GABPA: variants seen among roughly 807,000 people sequenced by gnomAD.
GABPA encodes the protein GA-binding protein alpha chain.
Under a neutral mutation model 59.4 loss-of-function variants are expected in GABPA, and 4 were observed. The observed-to-expected ratio is 0.07, with a 90% CI of 0.03 to 0.15. GABPA has a LOEUF of 0.15. Ranked by LOEUF, GABPA falls within the 10% of genes least tolerant of loss-of-function variation. GABPA has a pLI of 1.00. For synonymous variants in GABPA, 164 were observed against 183.1 expected (o/e 0.90, Z 0.84); for missense variants, 251 against 543.8 (o/e 0.46, Z 5.36).
At chr21:25,759,319 G>A (rs544363931) in intron 6 of GABPA, among the ~76,000 whole-genome samples, 11 of 152,242 alleles carry the variant, frequency 7.2e-5, no homozygotes, top group African/African-American at 2.2e-4. Context: ...AAATGTTAAT[G>A]ATAGCATTTT....
chr21:25,762,258 G>T, intron 6 of GABPA, 54 bp from the exon 7 acceptor site: 2 of 884,758 alleles, frequency 2.3e-6, no homozygotes, highest in Admixed American at 4.4e-5. Flanking sequence ...TATTGGATTG[G>T]GGTTTTTATA....
At chr21:25,753,344 C>T (rs1355869458) in intron 5 of GABPA, among the ~76,000 whole-genome samples, 1 of 152,082 alleles carries the variant, frequency 6.6e-6, no homozygotes, top group Non-Finnish European at 1.5e-5. Context: ...GAGACTCATT[C>T]CCACTGAATT....
chr21:25,743,536 C>T (rs904831482), intron 2 of GABPA, among the ~76,000 whole-genome samples: 13 of 149,852 alleles, frequency 8.7e-5, no homozygotes, highest in African/African-American at 3.2e-4. Context: ...GTTCACCTAA[C>T]GTAGATTTTT....
chr21:25,760,355 A>G (rs906610872), intron 6 of GABPA, among the ~76,000 whole-genome samples: 5 of 152,180 alleles, frequency 3.3e-5, no homozygotes, highest in African/African-American at 7.2e-5. Context: ...TCTGCAGCCT[A>G]TCTGCGAAAG....
Position 25,735,034 on chromosome 21 carries a change from G to C in GABPA, c.-571G>C. The C allele has an allele frequency of 2.0e-6, 3 of 1,471,898 alleles. No individual in the cohort carries two copies. Among genetic ancestry groups the C allele is most frequent in the Non-Finnish European group, 2.8e-6 (3 of 1,082,614 alleles). The allele number at this position is 1,471,898 out of a possible 1,614,324, so 91.2% of individuals were successfully genotyped here. ...GACAGTCTGCGACCGGACGGGTCTA[G>C]GTGAGACAGAAGCCAAACAGGAGGA... On this transcript the variant is annotated 5_prime_UTR_variant, in exon 1 of 10. Transcript: ENST00000400075.
chr21:25,743,176 G>A (rs1010806696), intron 2 of GABPA, among the ~76,000 whole-genome samples: 1 of 152,162 alleles, frequency 6.6e-6, no homozygotes, highest in African/African-American at 2.4e-5. Flanking sequence ...CTGCTCATGG[G>A]ATGGCAGCTG....
At chr21:25,738,319 C>G (rs1209347031) in intron 1 of GABPA, among the ~76,000 whole-genome samples, 1 of 152,068 alleles carries the variant, frequency 6.6e-6, no homozygotes, top group African/African-American at 2.4e-5. Context: ...TCTTTGTATC[C>G]TGAGTTATTT....
intron 1 of GABPA, among the ~76,000 whole-genome samples, chr21:25,736,960 TTATAA>T (rs1340273476): frequency 3.3e-5 from 5 of 152,332 alleles, no homozygotes; most frequent in Non-Finnish European, 5.9e-5. Flanking sequence ...CACACTCCAC[TTATAA>T]TATATTGGGA....
intron 3 of GABPA, 113 bp from the exon 4 acceptor site, chr21:25,748,923 G>A (rs1389633068): frequency 2.9e-6 from 2 of 685,992 alleles, no homozygotes; most frequent in Non-Finnish European, 5.2e-6. Context: ...AATTTAATTA[G>A]TATGTTCAGT....
Position 25,744,029 on chromosome 21 carries a change from C to T in GABPA, c.78-1181C>T, listed in dbSNP as rs546911606. Among the ~76,000 whole-genome samples, 5 of 119,364 alleles carry T rather than the reference C, an allele frequency of 4.2e-5. No homozygotes were observed. In the East Asian group the frequency reaches 7.3e-4, roughly 17 times the overall value. 78.3% of individuals were successfully genotyped at this position (119,364 alleles called of 152,430 possible). ...ACTGCACCCCAGCCTAGGAACAGAGCGAGACTCTGTCTCAAAAAAAAAAAA... is the reference window on the plus strand; with the variant it reads ...ACTGCACCCCAGCCTAGGAACAGAGTGAGACTCTGTCTCAAAAAAAAAAAA... On this transcript the variant is annotated intron_variant, in intron 2 of 9. Transcript: ENST00000400075.
intron 1 of GABPA, among the ~76,000 whole-genome samples, chr21:25,737,986 C>T (rs2035123799): frequency 6.6e-6 from 1 of 152,206 alleles, no homozygotes; most frequent in Non-Finnish European, 1.5e-5. Flanking sequence ...TTGGCACCAG[C>T]TGTCACCAAT....
chr21:25,749,453 G>C (rs956113716), intron 4 of GABPA, among the ~76,000 whole-genome samples: 1 of 152,162 alleles, frequency 6.6e-6, no homozygotes, highest in Non-Finnish European at 1.5e-5. Context: ...GCCCTGCCAT[G>C]ATCTGGAAAA....
At chr21:25,765,173 A>G (rs1262333149) in intron 9 of GABPA, among the ~76,000 whole-genome samples, 1 of 152,068 alleles carries the variant, frequency 6.6e-6, no homozygotes, top group Non-Finnish European at 1.5e-5. Context: ...CAATCTGCCT[A>G]AATCTGGATA....
In GABPA at chr21:25,754,130, A is replaced by G. The variant is rs1054177730; in HGVS notation, c.553+1896A>G. Among the ~76,000 whole-genome samples, 8 of 152,350 alleles carry G rather than the reference A, an allele frequency of 5.3e-5. No homozygotes were observed. The South Asian group carries it at 1.7e-3, about 32-fold the overall frequency. ...GTTGTAAATGTAAAAATACCCATTA[A>G]AAGAAAAAGTATAAAATCTTTTCTA... On this transcript the variant is annotated intron_variant, in intron 5 of 9. Transcript: ENST00000400075.
At chr21:25,744,312 A>G (rs1056344313) in intron 2 of GABPA, among the ~76,000 whole-genome samples, 1 of 152,090 alleles carries the variant, frequency 6.6e-6, no homozygotes, top group African/African-American at 2.4e-5. Context: ...GTGTGAACAT[A>G]GGGAGACTCT....
intron 4 of GABPA, 61 bp downstream of exon 4, chr21:25,749,181 A>G (rs1382583838): frequency 1.2e-5 from 12 of 1,015,240 alleles, no homozygotes; most frequent in African/African-American, 6.5e-5. Context: ...GATACAATTT[A>G]TAAGTTTTTA....
At chr21:25,752,691 G>A (rs1224042387) in intron 5 of GABPA, among the ~76,000 whole-genome samples, 1 of 152,108 alleles carries the variant, frequency 6.6e-6, no homozygotes, top group Non-Finnish European at 1.5e-5. Context: ...CTTAGACCTG[G>A]GGGTATGCAT....
intron 5 of GABPA, 152 bp downstream of exon 5, chr21:25,752,386 T>G: frequency 1.2e-6 from 1 of 858,742 alleles, no homozygotes; most frequent in Non-Finnish European, 1.8e-6. Flanking sequence ...AACGCACATT[T>G]AAGCTCATGT....
At chr21:25,740,927 G>C (rs1025038763) in intron 1 of GABPA, among the ~76,000 whole-genome samples, 5 of 152,170 alleles carry the variant, frequency 3.3e-5, no homozygotes, top group Admixed American at 6.5e-5. Flanking sequence ...TCATCTCCAT[G>C]TTAAGCTTCA....
Sources: allele counts gnomAD v4.1 joint callset (sites outside exome capture counted in the v4.1 genomes callset), GRCh38; gene constraint gnomAD v4.1.1; transcripts MANE v1.5; gene names NCBI Gene and HGNC (gene_info 2026-07-23, HGNC 2026-07-21).